Variants in TGFA observed in about 807,000 individuals in gnomAD.
TGFA encodes the protein transforming growth factor alpha.
A neutral mutation model predicts 21.7 loss-of-function variants in TGFA; 12 were observed. The ratio of observed to expected loss-of-function variants is 0.55; its 90% CI spans 0.35 to 0.90. The LOEUF (loss-of-function observed/expected upper bound fraction) is 0.90, where lower values mean the gene tolerates loss of function less well. TGFA is among the 40% of genes least tolerant of loss of function. TGFA has a pLI of 0.01. For synonymous variants in TGFA, 79 were observed against 88.1 expected (o/e 0.90, Z 0.58); for missense variants, 178 against 210.8 (o/e 0.84, Z 0.96).
intron 4 of TGFA, among the ~76,000 whole-genome samples, chr2:70,455,972 C>T (rs142086008): frequency 6.6e-6 from 1 of 152,214 alleles, no homozygotes; most frequent in Non-Finnish European, 1.5e-5. Context: ...AGAGGAAGTA[C>T]TTCTGGTGCT....
intron 2 of TGFA, among the ~76,000 whole-genome samples, chr2:70,474,892 C>T (rs1553493892): frequency 6.6e-6 from 1 of 152,004 alleles, no homozygotes; most frequent in East Asian, 1.9e-4. Context: ...CAAATTCAAA[C>T]AAAGATATTG....
At chr2:70,453,366 G>C in intron 4 of TGFA, 39 bp from the exon 5 acceptor site, 1 of 1,587,242 alleles carries the variant, frequency 6.3e-7, no homozygotes, top group Non-Finnish European at 8.6e-7. Flanking sequence ...GCAGGAGCCT[G>C]GTAGGAGGGC....
chr2:70,462,033 G>A (rs1325374056), intron 3 of TGFA, among the ~76,000 whole-genome samples: 2 of 152,136 alleles, frequency 1.3e-5, no homozygotes, highest in African/African-American at 4.8e-5. Context: ...TTTAGAAAGT[G>A]CTCCCTCTCT....
At chr2:70,514,057 C>A (rs1672186889) in intron 2 of TGFA, among the ~76,000 whole-genome samples, 1 of 152,182 alleles carries the variant, frequency 6.6e-6, no homozygotes, top group South Asian at 2.1e-4. Flanking sequence ...GAGGTAGCAT[C>A]ATAACTTAAG....
At chr2:70,465,021 T>C (rs1670509468) in intron 3 of TGFA, among the ~76,000 whole-genome samples, 1 of 152,228 alleles carries the variant, frequency 6.6e-6, no homozygotes. Context: ...TCTGATTCCG[T>C]AGGTCAGAGC....
chr2:70,497,529 C>T (rs2103803062), intron 2 of TGFA, among the ~76,000 whole-genome samples: 1 of 152,306 alleles, frequency 6.6e-6, no homozygotes, highest in African/African-American at 2.4e-5. Context: ...AAAGCCTGCA[C>T]CAGTGGTCAC....
At chr2:70,534,408 A>C (rs1672911466) in intron 1 of TGFA, among the ~76,000 whole-genome samples, 1 of 151,948 alleles carries the variant, frequency 6.6e-6, no homozygotes, top group African/African-American at 2.4e-5. Context: ...GTAGAGGGGG[A>C]TGAGGAGGAG....
chr2:70,471,202 C>T (rs1670738720), intron 2 of TGFA, among the ~76,000 whole-genome samples: 1 of 151,984 alleles, frequency 6.6e-6, no homozygotes, highest in Admixed American at 6.6e-5. Context: ...CCCCACCACC[C>T]AGGAAGTTCA....
At chr2:70,550,751 G>A (rs375826373) in intron 1 of TGFA, among the ~76,000 whole-genome samples, 74 of 152,340 alleles carry the variant, frequency 4.9e-4, no homozygotes, top group African/African-American at 1.7e-3. Context: ...AACCCGGGAG[G>A]CGGAGCTTGC....
chr2:70,490,620 T>C lies in TGFA; in HGVS notation c.94+24239A>G, dbSNP rs1344947623. Reference sequence around the variant, plus strand: ...GAGGTTTTGTTTCACTGCCAGGGGATAGAACTTCCAAAAAACACAAATGTC... The same window carrying C: ...GAGGTTTTGTTTCACTGCCAGGGGACAGAACTTCCAAAAAACACAAATGTC... On this transcript the variant is annotated intron_variant, in intron 2 of 5. Coordinates refer to ENST00000295400, the MANE Select transcript of TGFA (RefSeq NM_003236.4). Among the ~76,000 whole-genome samples, 4 of 152,314 alleles carry C rather than the reference T, an allele frequency of 2.6e-5. No homozygotes were observed. In the East Asian group the frequency reaches 7.7e-4, roughly 29 times the overall value.
At chr2:70,468,682 T>C (rs1355643104) in intron 2 of TGFA, among the ~76,000 whole-genome samples, 1 of 152,188 alleles carries the variant, frequency 6.6e-6, no homozygotes, top group African/African-American at 2.4e-5. Context: ...TATTGTGAAC[T>C]GTGCATGTGA....
intron 3 of TGFA, among the ~76,000 whole-genome samples, chr2:70,464,634 T>C (rs6749533): frequency 0.16 from 23,931 of 152,138 alleles, 2,295 homozygotes; most frequent in African/African-American, 0.26. Context: ...CCAAATGTAA[T>C]AGTGCCAAGG....
At chr2:70,526,280 A>G (rs1244699954) in intron 1 of TGFA, among the ~76,000 whole-genome samples, 2 of 152,202 alleles carry the variant, frequency 1.3e-5, no homozygotes, top group African/African-American at 2.4e-5. Context: ...ATAAAGTAAC[A>G]AGACTGACAA....
chr2:70,463,420 G>C (rs1043204816), intron 3 of TGFA, among the ~76,000 whole-genome samples: 1 of 152,290 alleles, frequency 6.6e-6, no homozygotes, highest in Admixed American at 6.5e-5. Flanking sequence ...GCTTGGGACT[G>C]AGGGGAATGG....
At chr2:70,462,182 AC>A (rs1670423561) in intron 3 of TGFA, among the ~76,000 whole-genome samples, 1 of 152,218 alleles carries the variant, frequency 6.6e-6, no homozygotes, top group South Asian at 2.1e-4. Context: ...AGGAGCAGGG[AC>A]AGAGTGTTCT....
At chr2:70,459,213 A>T (rs781844044) in intron 3 of TGFA, among the ~76,000 whole-genome samples, 4 of 152,198 alleles carry the variant, frequency 2.6e-5, no homozygotes, top group African/African-American at 4.8e-5. Flanking sequence ...GCGATTTAAC[A>T]CATCAATACT....
At chr2:70,499,264 T>A (rs1020819137) in intron 2 of TGFA, among the ~76,000 whole-genome samples, 6 of 152,206 alleles carry the variant, frequency 3.9e-5, no homozygotes, top group Non-Finnish European at 7.4e-5. Context: ...TATGGCCATA[T>A]GAGTTGTTTC....
chr2:70,543,467 A>T (rs1278391192), intron 1 of TGFA, among the ~76,000 whole-genome samples: 3 of 151,150 alleles, frequency 2.0e-5, no homozygotes, highest in Non-Finnish European at 2.9e-5. Context: ...CAGAGGTTGC[A>T]GTGAGCTGAG....
chr2:70,490,853 C>A (rs891180781), intron 2 of TGFA, among the ~76,000 whole-genome samples: 1 of 152,038 alleles, frequency 6.6e-6, no homozygotes, highest in Non-Finnish European at 1.5e-5. Context: ...TCCTGGAGTC[C>A]GCTTACAAAA....
Sources: allele counts gnomAD v4.1 joint callset (sites outside exome capture counted in the v4.1 genomes callset), GRCh38; gene constraint gnomAD v4.1.1; transcripts MANE v1.5; gene names NCBI Gene and HGNC (gene_info 2026-07-23, HGNC 2026-07-21).